Variants in RB1CC1 observed in about 807,000 individuals in gnomAD.
RB1CC1 encodes the protein RB1 inducible coiled-coil 1.
Under a neutral mutation model 177.5 loss-of-function variants are expected in RB1CC1, and 46 were observed. That is an observed-to-expected ratio of 0.26 (90% CI 0.20 to 0.33). The LOEUF (loss-of-function observed/expected upper bound fraction) is 0.33. Among genes scored for constraint, RB1CC1 ranks in the 10% least tolerant of loss-of-function variants. RB1CC1 has a pLI of 1.00. For missense variants in RB1CC1, 1,703 were observed against 1,816.3 expected (o/e 0.94, Z 1.13); for synonymous variants, 666 against 613.6 (o/e 1.09, Z -1.26).
At position 52,675,882 on chromosome 8, in the gene RB1CC1, G is replaced by A. The variant is rs550344713; in HGVS notation, c.572+487C>T. Among the ~76,000 whole-genome samples the A allele has an allele frequency of 5.8e-4, 81 of 139,392 alleles. 3 individuals are homozygous for A. The South Asian group carries it at 0.018, about 30-fold the overall frequency. 91.4% of individuals were successfully genotyped at this position (139,392 alleles called of 152,430 possible). On this transcript the variant is annotated intron_variant, in intron 6 of 23. Coordinates refer to ENST00000025008, the MANE Select transcript of RB1CC1 (RefSeq NM_014781.5). ...AGCCTGGGCAACAGAGCGAGCCTCC[G>A]TCTCAGAAAAAAAAAAAAAAAAAAG...
At chr8:52,625,942 C>T (rs565062844) in intron 22 of RB1CC1, among the ~76,000 whole-genome samples, 22 of 152,144 alleles carry the variant, frequency 1.4e-4, no homozygotes, top group African/African-American at 4.3e-4. Context: ...AAGATATACA[C>T]GAAAGATATC....
intron 7 of RB1CC1, among the ~76,000 whole-genome samples, chr8:52,671,333 A>T (rs551254126): frequency 1.3e-5 from 2 of 152,358 alleles, no homozygotes; most frequent in Non-Finnish European, 2.9e-5. Context: ...ATAGATTTAA[A>T]CTGAATTTCC....
chr8:52,635,214 T>A (rs1430359963), intron 19 of RB1CC1, among the ~76,000 whole-genome samples: 1 of 152,178 alleles, frequency 6.6e-6, no homozygotes, highest in Non-Finnish European at 1.5e-5. Context: ...GAAACACCTG[T>A]GGAATATATA....
chr8:52,700,103 C>T (rs1439357911), intron 1 of RB1CC1, among the ~76,000 whole-genome samples: 1 of 151,930 alleles, frequency 6.6e-6, no homozygotes, highest in Admixed American at 6.6e-5. Context: ...ACACAAAAAA[C>T]TTTAATTTTT....
At chr8:52,712,168 G>A (rs1857110090) in intron 1 of RB1CC1, among the ~76,000 whole-genome samples, 1 of 152,136 alleles carries the variant, frequency 6.6e-6, no homozygotes, top group African/African-American at 2.4e-5. Flanking sequence ...AGTGTCTTAG[G>A]CCAGTATTAC....
intron 15 of RB1CC1, among the ~76,000 whole-genome samples, chr8:52,647,968 A>G (rs903033068): frequency 1.3e-5 from 2 of 152,144 alleles, no homozygotes; most frequent in African/African-American, 4.8e-5. Flanking sequence ...GCAAGAGAGG[A>G]AGGGGAGGCC....
In RB1CC1 at chr8:52,674,151, A is replaced by C. The variant is rs1216408519; in HGVS notation, c.696T>G (p.Ala232=). 6 of 1,613,810 alleles carry C rather than the reference A, an allele frequency of 3.7e-6. No individual in the cohort carries two copies. The highest frequency in any genetic ancestry group is 3.4e-6 in the Non-Finnish European group (4 of 1,179,712). Residue 232 remains alanine (A), a synonymous_variant, in exon 7 of 24, where the codon GCT becomes GCG. Coordinates refer to ENST00000025008, the MANE Select transcript of RB1CC1 (RefSeq NM_014781.5). ...CCAGTTCAGTGGATCTTTTCATCTCAGCTTTTTCTGAGTCTTCATGTTCAG... is the reference window on the plus strand; with the variant it reads ...CCAGTTCAGTGGATCTTTTCATCTCCGCTTTTTCTGAGTCTTCATGTTCAG... ...SLPEHEDSEK[A]EMKRSTELVL...
chr8:52,667,279 G>A (rs540681640), intron 8 of RB1CC1, among the ~76,000 whole-genome samples: 13 of 152,198 alleles, frequency 8.5e-5, no homozygotes, highest in African/African-American at 3.1e-4. Flanking sequence ...CATCAACGAA[G>A]TATGTTTTGC....
intron 7 of RB1CC1, among the ~76,000 whole-genome samples, chr8:52,669,875 ATAAT>A (rs1554543092): frequency 8.9e-4 from 135 of 152,372 alleles, no homozygotes; most frequent in Non-Finnish European, 1.9e-4. Context: ...TCTGAATTTA[ATAAT>A]TCATTGAAAG....
intron 1 of RB1CC1, among the ~76,000 whole-genome samples, chr8:52,700,341 T>C (rs1855935027): frequency 7.0e-6 from 1 of 143,248 alleles, no homozygotes; most frequent in African/African-American, 2.6e-5. Flanking sequence ...CTGGGCAACA[T>C]GGTGAGACTC....
chr8:52,677,683 A>G (rs1373790957), intron 5 of RB1CC1, among the ~76,000 whole-genome samples: 2 of 152,210 alleles, frequency 1.3e-5, no homozygotes, highest in African/African-American at 4.8e-5. Context: ...TCTAGTTACC[A>G]AAGTAAATAA....
intron 1 of RB1CC1, among the ~76,000 whole-genome samples, chr8:52,693,050 C>T (rs1414596236): frequency 1.3e-5 from 2 of 152,152 alleles, no homozygotes; most frequent in Non-Finnish European, 2.9e-5. Flanking sequence ...ATAAACGGTG[C>T]TTGGAGTCTT....
Position 52,642,661 on chromosome 8 carries a change from C to T in RB1CC1, c.4096+43G>A, listed in dbSNP as rs34888689. Reference sequence around the variant, plus strand: ...ACCACTTTGCATGAATGTATCTTTTCCACTTTAAAAAATTAAAAAAAATAG... The same window carrying T: ...ACCACTTTGCATGAATGTATCTTTTTCACTTTAAAAAATTAAAAAAAATAG... On this transcript the variant is annotated intron_variant, in intron 17 of 23. Coordinates refer to ENST00000025008, the MANE Select transcript of RB1CC1 (RefSeq NM_014781.5). 9,086 of 1,576,552 alleles carry T rather than the reference C, an allele frequency of 5.8e-3. 525 individuals carry two copies. The African/African-American group carries it at 0.11, about 19-fold the overall frequency.
intron 6 of RB1CC1, among the ~76,000 whole-genome samples, chr8:52,675,888 G>GAAAAAAAAA (rs1268855883): frequency 1.4e-5 from 1 of 72,180 alleles, no homozygotes; most frequent in Non-Finnish European, 2.9e-5. Context: ...CTCCGTCTCA[G>GAAAAAAAAA]AAAAAAAAAA....
chr8:52,664,995 TAG>T (rs151231249), intron 8 of RB1CC1, among the ~76,000 whole-genome samples: 2,509 of 152,080 alleles, frequency 0.016, 71 homozygotes, highest in African/African-American at 0.056. Context: ...AAAGAAAAAG[TAG>T]AGAGAGAAAA....
intron 7 of RB1CC1, 33 bp downstream of exon 7, chr8:52,673,812 T>C: frequency 6.5e-7 from 1 of 1,539,190 alleles, no homozygotes; most frequent in Non-Finnish European, 8.8e-7. Flanking sequence ...AGTAGTAAAA[T>C]GACAAAACAA....
At chr8:52,675,599 A>G (rs1177182968) in intron 6 of RB1CC1, among the ~76,000 whole-genome samples, 1 of 151,646 alleles carries the variant, frequency 6.6e-6, no homozygotes, top group Non-Finnish European at 1.5e-5. Context: ...GGCCAGGTGC[A>G]GTGGCTCACG....
At chr8:52,713,810 C>T (rs1015662800) in intron 1 of RB1CC1, among the ~76,000 whole-genome samples, 1 of 152,248 alleles carries the variant, frequency 6.6e-6, no homozygotes, top group African/African-American at 2.4e-5. Flanking sequence ...AGCACGAGTC[C>T]GACCCACACC....
At chr8:52,689,508 C>T (rs544837609) in intron 1 of RB1CC1, among the ~76,000 whole-genome samples, 2 of 152,258 alleles carry the variant, frequency 1.3e-5, no homozygotes, top group South Asian at 4.2e-4. Flanking sequence ...AAACTCAAGA[C>T]GATTATGACT....
Sources: gnomAD v4.1 joint callset for allele counts (sites outside exome capture counted in the v4.1 genomes callset) on GRCh38, gnomAD v4.1.1 for gene constraint, MANE v1.5 for transcripts, NCBI Gene and HGNC (gene_info 2026-07-23, HGNC 2026-07-21) for gene names.